Variants in KCNMA1 observed in about 807,000 individuals in gnomAD.
KCNMA1 encodes the protein Calcium-activated potassium channel subunit alpha-1.
A neutral mutation model predicts 140.0 loss-of-function variants in KCNMA1; 29 were observed. The ratio of observed to expected loss-of-function variants is 0.21; its 90% confidence interval spans 0.15 to 0.28. The LOEUF (loss-of-function observed/expected upper bound fraction) is 0.28. Among genes scored for constraint, KCNMA1 ranks in the 10% least tolerant of loss-of-function variants. The pLI is 1.00. For missense variants in KCNMA1, 880 were observed against 1,602.2 expected, an observed-to-expected ratio of 0.55 and a Z score of 7.70; for synonymous variants, 612 against 611.9, an observed-to-expected ratio of 1.00 and a Z score of 0.00.
intron 6 of KCNMA1, among the ~76,000 whole-genome samples, chr10:77,115,814 A>G (rs980664222): frequency 2.0e-5 from 3 of 152,218 alleles, no homozygotes; most frequent in Admixed American, 2.0e-4. Context: ...TGACATCAGT[A>G]TTATCACAGA....
chr10:76,962,681 T>G (rs1256224031), intron 20 of KCNMA1, among the ~76,000 whole-genome samples: 3 of 152,208 alleles, frequency 2.0e-5, no homozygotes, highest in Admixed American at 6.5e-5. Flanking sequence ...CAATAATAAT[T>G]TCCATGTCTG....
intron 5 of KCNMA1, among the ~76,000 whole-genome samples, chr10:77,161,355 C>T (rs2098552272): frequency 6.6e-6 from 1 of 152,116 alleles, no homozygotes; most frequent in Non-Finnish European, 1.5e-5. Context: ...TCAAGCGATC[C>T]TCCTGCCTCA....
intron 5 of KCNMA1, among the ~76,000 whole-genome samples, chr10:77,158,766 C>T (rs1385806087): frequency 6.6e-6 from 1 of 152,080 alleles, no homozygotes; most frequent in Non-Finnish European, 1.5e-5. Context: ...TCGGTAGTTG[C>T]CCAGGTTTTA....
intron 9 of KCNMA1, among the ~76,000 whole-genome samples, chr10:77,099,796 G>A (rs1206104876): frequency 1.3e-5 from 2 of 152,060 alleles, no homozygotes; most frequent in Non-Finnish European, 2.9e-5. Context: ...ACCTTTGTGG[G>A]GTCTGGAAAG....
chr10:76,932,308 G>A (rs1564991105), intron 23 of KCNMA1, among the ~76,000 whole-genome samples: 1 of 152,098 alleles, frequency 6.6e-6, no homozygotes, highest in Non-Finnish European at 1.5e-5. Flanking sequence ...TTACTTAAAG[G>A]TACTGTATGG....
chr10:77,079,439 T>C, intron 13 of KCNMA1, 42 bp downstream of exon 13: 1 of 1,182,864 alleles, frequency 8.5e-7, no homozygotes, highest in Non-Finnish European at 1.3e-6. Context: ...GCTGGACCTG[T>C]GGATGGGTCT....
chr10:76,977,352 A>G (rs1190773523), intron 19 of KCNMA1, among the ~76,000 whole-genome samples: 1 of 152,190 alleles, frequency 6.6e-6, no homozygotes, highest in African/African-American at 2.4e-5. Flanking sequence ...AACAAAATCT[A>G]AGAATAATAA....
intron 19 of KCNMA1, among the ~76,000 whole-genome samples, chr10:76,976,839 C>T (rs893948387): frequency 1.3e-5 from 2 of 151,964 alleles, no homozygotes; most frequent in Non-Finnish European, 2.9e-5. Context: ...GCAAAGATCA[C>T]TAGGTATTAG....
At chr10:77,078,528 G>A (rs779863184) in intron 13 of KCNMA1, among the ~76,000 whole-genome samples, 3 of 152,092 alleles carry the variant, frequency 2.0e-5, no homozygotes, top group Non-Finnish European at 2.9e-5. Context: ...TTAATCTCTG[G>A]ATAGCTTACT....
At chr10:77,255,121 A>G (rs1294432746) in intron 2 of KCNMA1, among the ~76,000 whole-genome samples, 1 of 152,174 alleles carries the variant, frequency 6.6e-6, no homozygotes, top group Non-Finnish European at 1.5e-5. Context: ...TCTCAGATTT[A>G]CTGAAAACAC....
At chr10:77,341,631 A>G (rs2154376277) in intron 2 of KCNMA1, among the ~76,000 whole-genome samples, 1 of 152,122 alleles carries the variant, frequency 6.6e-6, no homozygotes, top group South Asian at 2.1e-4. Flanking sequence ...TGGGAAGGGG[A>G]GGGGATGGTG....
intron 2 of KCNMA1, among the ~76,000 whole-genome samples, chr10:77,327,360 G>C (rs1037922268): frequency 4.6e-5 from 7 of 151,580 alleles, no homozygotes; most frequent in African/African-American, 1.7e-4. Flanking sequence ...TATTGTTGTT[G>C]TTGTTGTTTG....
At chr10:77,494,342 C>T (rs2041070587) in intron 1 of KCNMA1, among the ~76,000 whole-genome samples, 1 of 152,240 alleles carries the variant, frequency 6.6e-6, no homozygotes, top group Non-Finnish European at 1.5e-5. Context: ...CTAAGAAGGA[C>T]TGTGCAGGAG....
At chr10:77,400,899 G>A (rs151055288) in intron 2 of KCNMA1, among the ~76,000 whole-genome samples, 2 of 152,062 alleles carry the variant, frequency 1.3e-5, no homozygotes, top group East Asian at 3.9e-4. Context: ...TGGGCCCAAT[G>A]AGTTCCATTT....
intron 5 of KCNMA1, among the ~76,000 whole-genome samples, chr10:77,122,180 C>T (rs139577442): frequency 6.6e-4 from 101 of 152,126 alleles, no homozygotes; most frequent in Admixed American, 1.8e-3. Flanking sequence ...ACTAACTGCA[C>T]GCAACGTGGA....
At chr10:77,136,616 G>T (rs1400117340) in intron 5 of KCNMA1, among the ~76,000 whole-genome samples, 1 of 148,396 alleles carries the variant, frequency 6.7e-6, no homozygotes, top group Non-Finnish European at 1.5e-5. Context: ...AGAAGTAAAA[G>T]ATGAAGTGCA....
intron 5 of KCNMA1, among the ~76,000 whole-genome samples, chr10:77,174,400 G>T (rs1442020606): frequency 1.3e-4 from 20 of 152,184 alleles, no homozygotes; most frequent in South Asian, 2.1e-4. Context: ...AAAAAGCCAT[G>T]GTGTGTGCTG....
downstream of KCNMA1, chr10:76,875,958 T>C (rs1278162081): frequency 6.6e-6 from 1 of 152,630 alleles, no homozygotes; most frequent in African/African-American, 2.4e-5. Flanking sequence ...CACAATACTT[T>C]TATAGAACTA....
chr10:77,522,333 C>T (rs1411412348), intron 1 of KCNMA1, among the ~76,000 whole-genome samples: 1 of 151,978 alleles, frequency 6.6e-6, no homozygotes, highest in Non-Finnish European at 1.5e-5. Context: ...GATGTGCTTT[C>T]CCCCAGCTGA....
Sources: allele counts gnomAD v4.1 joint callset (sites outside exome capture counted in the v4.1 genomes callset), GRCh38; gene constraint gnomAD v4.1.1; transcripts MANE v1.5; gene names NCBI Gene and HGNC (gene_info 2026-07-23, HGNC 2026-07-21).